MAN2B1: variants seen among roughly 807,000 people sequenced by gnomAD.
The protein encoded by MAN2B1 is lysosomal alpha-mannosidase.
MAN2B1 carries 99 observed loss-of-function variants against 127.5 expected under a neutral mutation model. That is an observed-to-expected ratio of 0.78 (90% CI 0.66 to 0.92). The LOEUF is 0.92. MAN2B1 is among the 40% of genes least tolerant of loss of function. The probability of loss-of-function intolerance (pLI) is 0.00; values close to 1 mark genes in which losing one functional copy is unlikely to be tolerated. For synonymous variants in MAN2B1, 573 were observed against 568.8 expected, an observed-to-expected ratio of 1.01 and a Z score of -0.11; for missense variants, 1,304 against 1,384.8, an observed-to-expected ratio of 0.94 and a Z score of 0.93.
In MAN2B1 at chr19:12,647,499, C is replaced by G; in HGVS notation, c.2764G>C (p.Ala922Pro). 1 of 1,614,242 alleles carries G rather than the reference C, an allele frequency of 6.2e-7. No individual in the cohort carries two copies. The highest frequency in any genetic ancestry group is 8.5e-7 in the Non-Finnish European group (1 of 1,180,036). ...TTACGTCCGGAATCCTCTCCTACGG[C>G]AAACTGGTGCTCCAAGCGCAGCAGC... ...MVLLRLEHQF[A>P]VGEDSGRNLS... The change falls in exon 22 of 24, where the codon GCC (alanine) becomes CCC (proline). Residue 922 changes from alanine to proline, a missense_variant. By Grantham distance (27) the Ala-to-Pro change is conservative. Coordinates refer to ENST00000456935, the MANE Select transcript of MAN2B1 (RefSeq NM_000528.4). This position sits in a 1 kb window ranked among gnomAD's most constrained non-coding sequence, Gnocchi z 4.9.
intron 6 of MAN2B1, among the ~76,000 whole-genome samples, chr19:12,663,060 G>A (rs2024145423): frequency 6.6e-6 from 1 of 152,080 alleles, no homozygotes; most frequent in Admixed American, 6.6e-5. Flanking sequence ...GAGCTCAGGA[G>A]TTTGAGACCA....
At chr19:12,660,462 A>G (rs1233182413) in intron 7 of MAN2B1, among the ~76,000 whole-genome samples, 1 of 152,100 alleles carries the variant, frequency 6.6e-6, no homozygotes, top group Non-Finnish European at 1.5e-5. Context: ...AGAGCACGCC[A>G]CTGCACTCCA....
At position 12,658,121 on chromosome 19, in the gene MAN2B1, C is replaced by A. The variant is rs1055070863; in HGVS notation, c.1251G>T (p.Ala417=). 2 of 1,613,458 alleles carry A rather than the reference C, an allele frequency of 1.2e-6. No individual in the cohort carries two copies. The highest frequency in any genetic ancestry group is 1.3e-5 in the African/African-American group (1 of 74,930). The change falls in exon 10 of 24, where the codon GCG becomes GCT. Residue 417 remains alanine (A), a synonymous_variant. Coordinates refer to ENST00000456935, the MANE Select transcript of MAN2B1 (RefSeq NM_000528.4). The part of the protein sequence containing the change: ...NFLQVCNQLE[A]LVGLAANVGP... ...CCACGTTGGCCGCCAGGCCCACCAGCGCCTCCAGCTGGTTGCACACCTGGA... is the reference window on the plus strand; with the variant it reads ...CCACGTTGGCCGCCAGGCCCACCAGAGCCTCCAGCTGGTTGCACACCTGGA...
At chr19:12,653,662 C>T (rs1168321605) in intron 14 of MAN2B1, among the ~76,000 whole-genome samples, 1 of 151,954 alleles carries the variant, frequency 6.6e-6, no homozygotes, top group Non-Finnish European at 1.5e-5. Flanking sequence ...TTGCCTGGGG[C>T]TAGTGTCCAA....
At chr19:12,656,285 A>C (rs1246364497) in intron 13 of MAN2B1, 17 of 475,076 alleles carry the variant, frequency 3.6e-5, no homozygotes, top group Non-Finnish European at 6.1e-5. Context: ...ATAATCCAGC[A>C]GGCGGAGTTT....
chr19:12,665,524 G>T lies in MAN2B1; in HGVS notation c.264C>A (p.Ile88=), dbSNP rs199592101. Residue 88 remains isoleucine, a splice_region_variant and synonymous_variant, in exon 3 of 24, where the codon ATC becomes ATA. Coordinates refer to ENST00000456935, the MANE Select transcript of MAN2B1 (RefSeq NM_000528.4). ...LKTVDQYFYG[I]KNDIQHAGVQ... is the part of the protein sequence containing the mutation. ...CACCGGCGTGCTGGATGTCATTCTTGACTGTGGATAACAGGGATAAGGCTC... is the reference window on the plus strand; with the variant it reads ...CACCGGCGTGCTGGATGTCATTCTTTACTGTGGATAACAGGGATAAGGCTC... The T allele has an allele frequency of 8.3e-5, 134 of 1,614,192 alleles. 1 individual carries two copies. In the Admixed American group the frequency reaches 2.2e-3, roughly 26 times the overall value.
rs1365010790 is a variant in MAN2B1 at position 12,656,922 on chromosome 19, A to T, written c.1527+27T>A. On this transcript the variant is annotated intron_variant, in intron 12 of 23. Coordinates refer to ENST00000456935, the MANE Select transcript of MAN2B1 (RefSeq NM_000528.4). ...ACCCCCTCTAAAGCCCATCTGCCCT[A>T]GATCCACCCCTCCCGTCCCGGCTCA... 3 of 1,580,266 alleles carry T rather than the reference A, an allele frequency of 1.9e-6. No individual in the cohort carries two copies. In the Admixed American group the frequency reaches 5.0e-5, roughly 27 times the overall value.
intron 6 of MAN2B1, among the ~76,000 whole-genome samples, chr19:12,662,563 G>A (rs1194119808): frequency 2.0e-5 from 3 of 152,164 alleles, no homozygotes; most frequent in Admixed American, 6.6e-5. Context: ...CCAGTAGGTG[G>A]AGGTTGCAGT....
intron 16 of MAN2B1, 143 bp from the exon 17 acceptor site, chr19:12,650,365 T>C: frequency 1.5e-6 from 1 of 671,694 alleles, no homozygotes; most frequent in South Asian, 1.6e-5. Context: ...TTCTTTTTTT[T>C]TTTTTTTTTT....
Position 12,647,754 on chromosome 19 carries a change from C to G in MAN2B1, c.2665-156G>C. 1 of 653,326 alleles carries G rather than the reference C, an allele frequency of 1.5e-6. No individual in the cohort carries two copies. Among genetic ancestry groups the G allele is most frequent in the Non-Finnish European group, 2.6e-6 (1 of 383,696 alleles). The allele number at this position is 653,326 out of a possible 1,614,324, so 40.5% of individuals were successfully genotyped here. On this transcript the variant is annotated intron_variant, in intron 21 of 23. Transcript: ENST00000456935. This position sits in a 1 kb window ranked among gnomAD's most constrained non-coding sequence, Gnocchi z 4.9. ...CCGAGAGGAGCGGCCAGGGCCGTGACAGGGAGGACTGAGCCAATGGGGAGA... is the reference window on the plus strand; with the variant it reads ...CCGAGAGGAGCGGCCAGGGCCGTGAGAGGGAGGACTGAGCCAATGGGGAGA...
At chr19:12,650,606 C>A (rs1421754086) in intron 16 of MAN2B1, among the ~76,000 whole-genome samples, 2 of 151,960 alleles carry the variant, frequency 1.3e-5, no homozygotes, top group Admixed American at 6.6e-5. Context: ...GATCAGCCCG[C>A]CTCGGCCTCC....
chr19:12,665,666 T>C (rs1256785375), intron 2 of MAN2B1, 37 bp downstream of exon 2: 1 of 1,600,782 alleles, frequency 6.2e-7, no homozygotes, highest in Non-Finnish European at 8.6e-7. Flanking sequence ...ACAGGGACCA[T>C]GGGGATCCCA....
At chr19:12,646,872 C>A in intron 23 of MAN2B1, 140 bp from the exon 24 acceptor site, 1 of 671,736 alleles carries the variant, frequency 1.5e-6, no homozygotes, top group Non-Finnish European at 2.6e-6. Flanking sequence ...GACTCTTAAC[C>A]TGCTTCCCCG....
In MAN2B1 at chr19:12,666,627, G is replaced by C. The variant is rs1178249579; in HGVS notation, c.75C>G (p.Ser25=). The C allele has an allele frequency of 7.7e-6, 12 of 1,556,258 alleles. No homozygotes were observed. Among genetic ancestry groups the C allele is most frequent in the Non-Finnish European group, 1.0e-5 (12 of 1,150,064 alleles). ...GCGGGAGCGGTGGCCGCAGGGCGCG[G>C]GACATGGTCCAGGGGCCTGCTGAGT... ...CLDSAGPWTM[S]RALRPPLPPL... The change falls in exon 1 of 24, where the codon TCC becomes TCG. Residue 25 remains serine, a synonymous_variant. Coordinates refer to ENST00000456935, the MANE Select transcript of MAN2B1 (RefSeq NM_000528.4).
chr19:12,652,245 C>A lies in MAN2B1; in HGVS notation c.1954G>T (p.Glu652Ter), dbSNP rs756680048. ...FWYNASIGDNESDQASGAYIF... is the reference protein window; with the variant it reads ...FWYNASIGDN ...TAGGCACCTGAGGCCTGGTCACTTT[C>A]GTTGTCACCTATACTGGCGTTGTAC... The change falls in exon 16 of 24, where the codon GAA becomes TAA. Residue 652 changes from glutamate to a stop codon, truncating the protein, a stop_gained. Coordinates refer to ENST00000456935, the MANE Select transcript of MAN2B1 (RefSeq NM_000528.4). LOFTEE classifies it high-confidence loss of function. The A allele has an allele frequency of 6.2e-7, 1 of 1,614,128 alleles. No homozygotes were observed. The highest frequency in any genetic ancestry group is 8.5e-7 in the Non-Finnish European group (1 of 1,180,012).
intron 20 of MAN2B1, 26 bp downstream of exon 20, chr19:12,649,110 C>G (rs764685302): frequency 1.9e-6 from 3 of 1,605,246 alleles, no homozygotes; most frequent in Non-Finnish European, 8.5e-7. Context: ...AGGACCCTGG[C>G]TCGGATGGGG....
In MAN2B1 at chr19:12,665,455, A is replaced by G. The variant is rs1381788581; in HGVS notation, c.333T>C (p.Asp111=). 4.3e-6 allele frequency: 7 copies of G among 1,614,126 alleles called. No individual in the cohort carries two copies. The highest frequency in any genetic ancestry group is 4.2e-6 in the Non-Finnish European group (5 of 1,180,044). ...LDSVISALLA[D]PTRRFIYVEI... is the part of the protein sequence containing the mutation. ...CCACGTAAATGAAGCGACGGGTGGG[A>G]TCTGCCAGCAAGGCAGAGATGACCG... Residue 111 remains aspartate, a synonymous_variant, in exon 3 of 24, where the codon GAT becomes GAC. Transcript: ENST00000456935.
chr19:12,661,540 G>C (rs931209513), intron 6 of MAN2B1, among the ~76,000 whole-genome samples, 164 bp from the exon 7 acceptor site: 3 of 152,170 alleles, frequency 2.0e-5, no homozygotes, highest in Non-Finnish European at 4.4e-5. Flanking sequence ...ACCAGTTGTT[G>C]AGCAGTTCTC....
chr19:12,657,629 G>A, intron 10 of MAN2B1, 74 bp from the exon 11 acceptor site: 1 of 1,289,336 alleles, frequency 7.8e-7, no homozygotes, highest in African/African-American at 1.5e-5. Flanking sequence ...GAAAGGTCCG[G>A]TGCTGGCGGG....
Sources: allele counts gnomAD v4.1 joint callset (sites outside exome capture counted in the v4.1 genomes callset), GRCh38; gene constraint gnomAD v4.1.1; non-coding constraint Gnocchi (gnomAD v3.1); transcripts MANE v1.5; gene names NCBI Gene and HGNC (gene_info 2026-07-23, HGNC 2026-07-21).